FSHR: variants seen among roughly 807,000 people sequenced by gnomAD.
FSHR encodes follicle-stimulating hormone receptor.
Under a neutral mutation model 52.1 loss-of-function variants are expected in FSHR, and 46 were observed. That is an observed-to-expected ratio of 0.88 (90% CI 0.70 to 1.13). The LOEUF is 1.13. Ranked by LOEUF, FSHR falls within the 50% of genes most tolerant of loss-of-function variation. The pLI is 0.00. For synonymous variants in FSHR, 399 were observed against 309.6 expected (o/e 1.29, Z -3.03); for missense variants, 964 against 834.6 (o/e 1.16, Z -1.91).
chr2:48,979,715 A>T (rs1171722763), intron 8 of FSHR, among the ~76,000 whole-genome samples: 3 of 152,110 alleles, frequency 2.0e-5, no homozygotes, highest in Non-Finnish European at 4.4e-5. Flanking sequence ...TTGCAAATGC[A>T]TTACCCTGAT....
chr2:49,033,088 C>T (rs921207391), intron 2 of FSHR, among the ~76,000 whole-genome samples: 1 of 152,142 alleles, frequency 6.6e-6, no homozygotes, highest in Non-Finnish European at 1.5e-5. Flanking sequence ...ATCATTGTGT[C>T]TTTAAATGTA....
chr2:49,128,540 C>G (rs1672146822), intron 1 of FSHR, among the ~76,000 whole-genome samples: 2 of 152,124 alleles, frequency 1.3e-5, no homozygotes, highest in African/African-American at 4.8e-5. Context: ...CATCTTTATT[C>G]AGGTCAAGAA....
At chr2:49,103,128 C>T (rs574889299) in intron 1 of FSHR, among the ~76,000 whole-genome samples, 1 of 152,228 alleles carries the variant, frequency 6.6e-6, no homozygotes, top group East Asian at 1.9e-4. Flanking sequence ...TATCTCTCCT[C>T]CCCTCCCCAA....
intron 9 of FSHR, among the ~76,000 whole-genome samples, chr2:48,964,986 T>C (rs369505120): frequency 6.5e-4 from 68 of 103,950 alleles, no homozygotes; most frequent in African/African-American, 2.3e-3. Flanking sequence ...TAGGACCTTT[T>C]TGGATGCAAA....
intron 9 of FSHR, among the ~76,000 whole-genome samples, chr2:48,964,451 C>T (rs2058595): frequency 0.55 from 83,059 of 151,944 alleles, 24,641 homozygotes; most frequent in East Asian, 0.71. Context: ...GGATCAAAAT[C>T]TGTAGTTAGT....
At chr2:48,985,122 C>T (rs1006903301) in intron 6 of FSHR, among the ~76,000 whole-genome samples, 4 of 152,138 alleles carry the variant, frequency 2.6e-5, no homozygotes, top group South Asian at 2.1e-4. Flanking sequence ...ACGATGATGA[C>T]GATGATGACG....
At chr2:49,114,315 T>C (rs1341983293) in intron 1 of FSHR, among the ~76,000 whole-genome samples, 1 of 152,194 alleles carries the variant, frequency 6.6e-6, no homozygotes, top group Non-Finnish European at 1.5e-5. Flanking sequence ...CCTGGGGAGC[T>C]TCTGTGGATG....
intron 1 of FSHR, among the ~76,000 whole-genome samples, chr2:49,130,106 C>A (rs1248290480): frequency 1.3e-5 from 2 of 152,120 alleles, no homozygotes; most frequent in Admixed American, 6.6e-5. Context: ...CCTGGATGTA[C>A]CACTTAGGCA....
intron 1 of FSHR, among the ~76,000 whole-genome samples, chr2:49,135,232 C>G (rs1469536386): frequency 6.6e-5 from 10 of 151,722 alleles, no homozygotes; most frequent in Admixed American, 6.6e-4. Flanking sequence ...AAAAAAACTT[C>G]AATATTTTTG....
intron 4 of FSHR, among the ~76,000 whole-genome samples, chr2:48,995,441 G>C (rs1408373523): frequency 6.6e-6 from 1 of 152,098 alleles, no homozygotes; most frequent in East Asian, 1.9e-4. Context: ...CCTAAACTAA[G>C]AGTAGCAAGT....
At chr2:49,082,424 T>A (rs4467315) in intron 1 of FSHR, among the ~76,000 whole-genome samples, 29,621 of 151,898 alleles carry the variant, frequency 0.2, 3,118 homozygotes, top group East Asian at 0.28. Flanking sequence ...CTGGAAACTC[T>A]AAAAAGCAGA....
chr2:49,143,321 G>A (rs996206304), intron 1 of FSHR, among the ~76,000 whole-genome samples: 1 of 152,208 alleles, frequency 6.6e-6, no homozygotes, highest in African/African-American at 2.4e-5. Flanking sequence ...GTGTTCCTGA[G>A]AGGTGTGTAA....
intron 8 of FSHR, 125 bp downstream of exon 8, chr2:48,982,787 A>T (rs1261350317): frequency 2.4e-6 from 2 of 826,332 alleles, no homozygotes; most frequent in Non-Finnish European, 4.2e-6. Context: ...TTTGCAGATG[A>T]CACGAATAAA....
chr2:49,020,391 C>A (rs1465460993), intron 2 of FSHR, among the ~76,000 whole-genome samples: 1 of 152,074 alleles, frequency 6.6e-6, no homozygotes. Context: ...TGGAGATTAT[C>A]CAGTCTATAG....
chr2:49,102,390 G>C (rs1202849194), intron 1 of FSHR, among the ~76,000 whole-genome samples: 1 of 152,140 alleles, frequency 6.6e-6, no homozygotes, highest in Non-Finnish European at 1.5e-5. Flanking sequence ...ATAAAAGGGA[G>C]GAAGGCCAAG....
intron 8 of FSHR, among the ~76,000 whole-genome samples, chr2:48,977,670 C>A (rs902670367): frequency 6.6e-6 from 1 of 152,196 alleles, no homozygotes; most frequent in Non-Finnish European, 1.5e-5. Context: ...TGGGGAGTAA[C>A]ATTCATCCCT....
At position 48,963,654 on chromosome 2, in the gene FSHR, G is replaced by A. The variant is rs903235388; in HGVS notation, c.1167C>T (p.Thr389=). ...GNIIVLVILT[T]SQYKLTVPRF... is the part of the protein sequence containing the mutation. ...TGGGGACTGTGAGTTTATATTGGCT[G>A]GTAGTTAGGATCACTAGCACTATGA... Residue 389 remains threonine, a synonymous_variant, in exon 10 of 10, where the codon ACC becomes ACT. Transcript: ENST00000406846. 6.2e-6 allele frequency: 10 copies of A among 1,614,026 alleles called. No individual in the cohort carries two copies. In the African/African-American group the frequency reaches 1.2e-4, roughly 19 times the overall value.
At chr2:49,057,007 G>A (rs1248005248) in intron 2 of FSHR, among the ~76,000 whole-genome samples, 2 of 151,822 alleles carry the variant, frequency 1.3e-5, no homozygotes, top group Admixed American at 1.3e-4. Context: ...ATGAGCAAAA[G>A]CAGAATTAAG....
At chr2:49,035,555 T>G (rs968630849) in intron 2 of FSHR, among the ~76,000 whole-genome samples, 2 of 152,184 alleles carry the variant, frequency 1.3e-5, no homozygotes, top group Non-Finnish European at 2.9e-5. Context: ...TAAGTGGCAT[T>G]TAAGGCTCTT....
Sources: gnomAD v4.1 joint callset for allele counts (sites outside exome capture counted in the v4.1 genomes callset) on GRCh38, gnomAD v4.1.1 for gene constraint, MANE v1.5 for transcripts, NCBI Gene and HGNC (gene_info 2026-07-23, HGNC 2026-07-21) for gene names.